CTNNA2: variants seen among roughly 807,000 people sequenced by gnomAD.
The protein encoded by CTNNA2 is catenin alpha-2.
Under a neutral mutation model 101.0 loss-of-function variants are expected in CTNNA2, and 42 were observed. The ratio of observed to expected loss-of-function variants is 0.42; its 90% confidence interval spans 0.32 to 0.54. The LOEUF (loss-of-function observed/expected upper bound fraction) is 0.54, where lower values mean the gene tolerates loss of function less well. Ranked by LOEUF, CTNNA2 falls within the 20% of genes least tolerant of loss-of-function variation. The pLI is 0.14. For missense variants in CTNNA2, 871 were observed against 1,223.1 expected, an observed-to-expected ratio of 0.71 and a Z score of 4.29; for synonymous variants, 450 against 456.4, an observed-to-expected ratio of 0.99 and a Z score of 0.18.
chr2:80,216,803 A>G (rs1275129097), intron 7 of CTNNA2, among the ~76,000 whole-genome samples: 1 of 151,078 alleles, frequency 6.6e-6, no homozygotes, highest in Non-Finnish European at 1.5e-5. Flanking sequence ...ATCAGGAAAT[A>G]TTTCTCCGGG....
intron 4 of CTNNA2, among the ~76,000 whole-genome samples, chr2:79,403,642 A>G (rs923612208): frequency 2.0e-5 from 3 of 152,074 alleles, no homozygotes; most frequent in Non-Finnish European, 4.4e-5. Flanking sequence ...ATGTCATAGG[A>G]GGAAAAGTCT....
chr2:80,367,888 G>C (rs529057770), intron 7 of CTNNA2, among the ~76,000 whole-genome samples: 2 of 150,940 alleles, frequency 1.3e-5, no homozygotes, highest in Non-Finnish European at 2.9e-5. Flanking sequence ...ATTGAGATTC[G>C]TAGCAACTTG....
At position 80,127,868 on chromosome 2, in the gene CTNNA2, A is replaced by T. The variant is rs144538310; in HGVS notation, c.1056+218071A>T. Among the ~76,000 whole-genome samples the T allele has an allele frequency of 3.1e-3, 473 of 152,190 alleles. 1 individual carries two copies. The highest frequency in any genetic ancestry group is 0.02 in the Middle Eastern group (6 of 294). ...AGAGGGACATTTTTACTTGGAGTACAGGGGGCAGCTATTCTTAGCTCAGTA... is the reference window on the plus strand; with the variant it reads ...AGAGGGACATTTTTACTTGGAGTACTGGGGGCAGCTATTCTTAGCTCAGTA... On this transcript the variant is annotated intron_variant, in intron 7 of 18. Coordinates refer to ENST00000402739, the MANE Select transcript of CTNNA2 (RefSeq NM_001282597.3).
At chr2:80,292,267 T>C (rs2149181660) in intron 7 of CTNNA2, among the ~76,000 whole-genome samples, 1 of 152,304 alleles carries the variant, frequency 6.6e-6, no homozygotes, top group Admixed American at 6.5e-5. Flanking sequence ...GCTTAATTCT[T>C]ATAACAACCC....
intron 3 of CTNNA2, among the ~76,000 whole-genome samples, chr2:79,366,123 A>G (rs1253918069): frequency 6.6e-6 from 1 of 152,234 alleles, no homozygotes. Flanking sequence ...CACACACAGT[A>G]GGTCATGAGT....
chr2:80,106,461 T>C (rs2148852377), intron 7 of CTNNA2, among the ~76,000 whole-genome samples: 1 of 152,256 alleles, frequency 6.6e-6, no homozygotes, highest in South Asian at 2.1e-4. Context: ...TAAATTAGCC[T>C]TTCTGAATTT....
chr2:79,300,256 T>C (rs180807441), intron 2 of CTNNA2, among the ~76,000 whole-genome samples: 1 of 152,316 alleles, frequency 6.6e-6, no homozygotes, highest in African/African-American at 2.4e-5. Flanking sequence ...TTTTCCAGAA[T>C]GCCATAGAGC....
chr2:80,615,084 CA>C (rs1445742926), intron 17 of CTNNA2, among the ~76,000 whole-genome samples: 1 of 151,156 alleles, frequency 6.6e-6, no homozygotes, highest in Non-Finnish European at 1.5e-5. Context: ...TGTGAATAGG[CA>C]AAAGAGAAGG....
intron 7 of CTNNA2, among the ~76,000 whole-genome samples, chr2:80,314,249 T>A (rs530493103): frequency 6.6e-6 from 1 of 152,336 alleles, no homozygotes; most frequent in Non-Finnish European, 1.5e-5. Context: ...TAACAGGACC[T>A]TGTGTTACCT....
intron 7 of CTNNA2, among the ~76,000 whole-genome samples, chr2:80,181,878 G>C (rs931076781): frequency 2.6e-5 from 4 of 152,148 alleles, no homozygotes; most frequent in African/African-American, 9.7e-5. Context: ...AGAGTCCTTA[G>C]CATTTTTTGT....
chr2:80,301,528 C>G (rs1039408230), intron 7 of CTNNA2, among the ~76,000 whole-genome samples: 8 of 152,140 alleles, frequency 5.3e-5, no homozygotes, highest in South Asian at 2.1e-4. Flanking sequence ...TTTTAAAAAC[C>G]ATTTGCAATG....
At position 80,647,962 on chromosome 2, in the gene CTNNA2, C is replaced by A. The variant is rs894577621; in HGVS notation, c.*90C>A. On this transcript the variant is annotated 3_prime_UTR_variant, in exon 19 of 19. Coordinates refer to ENST00000402739, the MANE Select transcript of CTNNA2 (RefSeq NM_001282597.3). Reference sequence around the variant, plus strand: ...ATTTTTGTATGCATACCTGCCAGCTCGTATGCCTCTGGCATGGGGAAATTA... The same window carrying A: ...ATTTTTGTATGCATACCTGCCAGCTAGTATGCCTCTGGCATGGGGAAATTA... 7.2e-6 allele frequency: 9 copies of A among 1,254,194 alleles called. No individual in the cohort carries two copies. The highest frequency in any genetic ancestry group is 9.9e-6 in the Non-Finnish European group (9 of 910,794). 77.7% of individuals were successfully genotyped at this position (1,254,194 alleles called of 1,614,324 possible).
At chr2:79,566,331 T>A (rs1326320767) in intron 1 of CTNNA2, among the ~76,000 whole-genome samples, 1 of 152,194 alleles carries the variant, frequency 6.6e-6, no homozygotes, top group Admixed American at 6.5e-5. Flanking sequence ...ACCTTTCCCA[T>A]GTTGCAGGAG....
chr2:79,367,507 G>A (rs1002306057), intron 3 of CTNNA2, among the ~76,000 whole-genome samples: 4 of 152,172 alleles, frequency 2.6e-5, no homozygotes, highest in Non-Finnish European at 4.4e-5. Flanking sequence ...GCAATGGGTA[G>A]AGAAGTAGGA....
intron 8 of CTNNA2, among the ~76,000 whole-genome samples, chr2:80,417,594 T>C (rs779666676): frequency 2.6e-5 from 4 of 151,986 alleles, no homozygotes; most frequent in Non-Finnish European, 4.4e-5. Context: ...CAAATGATTT[T>C]CTTTTATTTA....
At chr2:79,817,988 G>A (rs1677666497) in intron 3 of CTNNA2, among the ~76,000 whole-genome samples, 1 of 152,064 alleles carries the variant, frequency 6.6e-6, no homozygotes, top group Non-Finnish European at 1.5e-5. Context: ...TTACCATTTC[G>A]CATATTGGGC....
chr2:80,073,890 G>T (rs1295666610), intron 7 of CTNNA2, among the ~76,000 whole-genome samples: 2 of 151,842 alleles, frequency 1.3e-5, no homozygotes, highest in Non-Finnish European at 2.9e-5. Context: ...GCTGCATATT[G>T]TTCCATCATG....
chr2:79,935,035 G>C (rs1687684076), intron 7 of CTNNA2, among the ~76,000 whole-genome samples: 2 of 152,184 alleles, frequency 1.3e-5, no homozygotes, highest in Admixed American at 6.5e-5. Flanking sequence ...ATGTTTGCCA[G>C]AGAGGGGGAG....
chr2:79,618,193 A>T (rs1456330155), intron 1 of CTNNA2, among the ~76,000 whole-genome samples: 1 of 152,224 alleles, frequency 6.6e-6, no homozygotes, highest in Non-Finnish European at 1.5e-5. Context: ...GCAGCAACCA[A>T]CAAAGTCTGC....
Sources: allele counts gnomAD v4.1 joint callset (sites outside exome capture counted in the v4.1 genomes callset), GRCh38; gene constraint gnomAD v4.1.1; transcripts MANE v1.5; gene names NCBI Gene and HGNC (gene_info 2026-07-23, HGNC 2026-07-21).